Variants in TIAM1 observed in about 807,000 individuals in gnomAD.
TIAM1 encodes rho guanine nucleotide exchange factor TIAM1.
Under a neutral mutation model 163.5 loss-of-function variants are expected in TIAM1, and 65 were observed. The ratio of observed to expected loss-of-function variants is 0.40; its 90% CI spans 0.33 to 0.49. The LOEUF (loss-of-function observed/expected upper bound fraction) is 0.49, where lower values mean the gene tolerates loss of function less well. Among genes scored for constraint, TIAM1 ranks in the 20% least tolerant of loss-of-function variants. The probability of loss-of-function intolerance (pLI) is 0.77; values close to 1 mark genes in which losing one functional copy is unlikely to be tolerated. For missense variants in TIAM1, 1,789 were observed against 2,044.7 expected, an observed-to-expected ratio of 0.87 and a Z score of 2.41; for synonymous variants, 833 against 810.1, an observed-to-expected ratio of 1.03 and a Z score of -0.48.
intron 1 of TIAM1, among the ~76,000 whole-genome samples, chr21:31,479,422 C>T (rs972424868): frequency 4.1e-5 from 6 of 147,842 alleles, no homozygotes; most frequent in African/African-American, 7.5e-5. Flanking sequence ...GGCGGATGGA[C>T]GGACGGACGG....
In TIAM1 at chr21:31,141,356, A is replaced by C; in HGVS notation, c.3624T>G (p.Asp1208Glu). 1 of 1,614,192 alleles carries C rather than the reference A, an allele frequency of 6.2e-7. No homozygotes were observed. Among genetic ancestry groups the C allele is most frequent in the Non-Finnish European group, 8.5e-7 (1 of 1,180,032 alleles). The change falls in exon 21 of 28, where the codon GAT (aspartate) becomes GAG (glutamate). Residue 1208 changes from aspartate to glutamate, a missense_variant. By Grantham distance (45) the Asp-to-Glu change is conservative. Around this residue, in one of 5 missense-constraint regions of TIAM1, gnomAD observed 60 missense variants for 132.6 expected, o/e 0.45. Transcript: ENST00000541036. The surrounding 1 kb of genome is among the most constrained non-coding windows in gnomAD (Gnocchi z 4.7). ...LLLRELFALT[D>E]AESEEHYHLD... ...GGTGGTAGTGCTCCTCGCTCTCCGC[A>C]TCGGTCAGGGCGAACAGCTCCCTGA...
intron 6 of TIAM1, among the ~76,000 whole-genome samples, chr21:31,229,319 C>T (rs968645203): frequency 6.6e-6 from 1 of 152,054 alleles, no homozygotes; most frequent in Non-Finnish European, 1.5e-5. Flanking sequence ...CAAAATGTGC[C>T]TTTTCTGTGT....
At chr21:31,301,674 T>C (rs1478984379) in intron 2 of TIAM1, among the ~76,000 whole-genome samples, 1 of 151,940 alleles carries the variant, frequency 6.6e-6, no homozygotes, top group Admixed American at 6.6e-5. Context: ...ACCCCCTCTT[T>C]ACTAAAAATA....
intron 10 of TIAM1, among the ~76,000 whole-genome samples, chr21:31,210,800 A>AAGAAAGAAAG (rs2086842536): frequency 2.1e-5 from 3 of 142,796 alleles, no homozygotes; most frequent in African/African-American, 8.7e-5. Context: ...GAAAGAAAGA[A>AAGAAAGAAAG]AGAAAGAAAG....
chr21:31,244,871 G>C (rs2071410753), intron 6 of TIAM1, among the ~76,000 whole-genome samples: 1 of 152,128 alleles, frequency 6.6e-6, no homozygotes, highest in Non-Finnish European at 1.5e-5. Context: ...ACACAAAAAA[G>C]TTCTTGCAGA....
intron 1 of TIAM1, among the ~76,000 whole-genome samples, chr21:31,497,205 G>T (rs141322968): frequency 6.6e-6 from 1 of 152,286 alleles, no homozygotes; most frequent in Admixed American, 6.5e-5. Context: ...ACCCTATGTT[G>T]TCTGTACCAT....
intron 1 of TIAM1, among the ~76,000 whole-genome samples, chr21:31,489,440 A>G (rs2147415450): frequency 7.1e-6 from 1 of 141,604 alleles, no homozygotes; most frequent in Non-Finnish European, 1.5e-5. Context: ...AACAAGAAGC[A>G]GGAGGAGAAG....
At chr21:31,426,992 C>G (rs2036943626) in intron 2 of TIAM1, among the ~76,000 whole-genome samples, 1 of 152,136 alleles carries the variant, frequency 6.6e-6, no homozygotes, top group South Asian at 2.1e-4. Context: ...ACAATCATAT[C>G]TCATTGCAGC....
intron 2 of TIAM1, among the ~76,000 whole-genome samples, chr21:31,449,527 C>T (rs138131794): frequency 5.3e-5 from 8 of 151,692 alleles, no homozygotes; most frequent in African/African-American, 7.3e-5. Flanking sequence ...TACAGTCATG[C>T]GCCACCACAC....
At chr21:31,536,248 G>T (rs1448905710) in intron 1 of TIAM1, among the ~76,000 whole-genome samples, 2 of 152,208 alleles carry the variant, frequency 1.3e-5, no homozygotes, top group Non-Finnish European at 2.9e-5. Context: ...GAGGCATAAG[G>T]CAAATTGCAT....
In TIAM1 at chr21:31,266,051, G is replaced by C; in HGVS notation, c.922C>G (p.His308Asp). 6.2e-7 allele frequency: 1 copy of C among 1,614,186 alleles called. No homozygotes were observed. Among genetic ancestry groups the C allele is most frequent in the East Asian group, 2.2e-5 (1 of 44,882 alleles). Reference sequence around the variant, plus strand: ...CTTCTGCCTTGCATGCTGTTGCTATGGCTAATTTGTGGGTTGGTGGCACCT... The same window carrying C: ...CTTCTGCCTTGCATGCTGTTGCTATCGCTAATTTGTGGGTTGGTGGCACCT... ...SEGATNPQIS[H>D]SNSMQGRRAK... The change falls in exon 4 of 28, where the codon CAT becomes GAT. Residue 308 changes from histidine (H) to aspartate (D), a missense_variant. Physicochemically the swap from His to Asp is moderately conservative, Grantham distance 81. Coordinates refer to ENST00000541036, the MANE Select transcript of TIAM1 (RefSeq NM_001353694.2).
intron 15 of TIAM1, among the ~76,000 whole-genome samples, chr21:31,165,451 G>T (rs1468449006): frequency 6.6e-6 from 1 of 152,052 alleles, no homozygotes. Context: ...CATAAGAAGA[G>T]ATAGAAACCA....
Position 31,200,673 on chromosome 21 carries a change from T to G in TIAM1, c.2493+2235A>C, listed in dbSNP as rs141837580. 6.7e-3 allele frequency among the ~76,000 whole-genome samples: 1,020 copies of G among 151,208 alleles called. 7 individuals are homozygous for G. The highest frequency in any genetic ancestry group is 0.024 in the African/African-American group (971 of 40,898). On this transcript the variant is annotated intron_variant, in intron 12 of 27. Transcript: ENST00000541036. Reference sequence around the variant, plus strand: ...AATAAGAACATATATTACCAATAATTCAAAAAATATTTTTGAGAACTATTT... The same window carrying G: ...AATAAGAACATATATTACCAATAATGCAAAAAATATTTTTGAGAACTATTT...
chr21:31,430,239 T>TACACACACAC (rs2043970105), intron 2 of TIAM1, among the ~76,000 whole-genome samples: 1 of 132,744 alleles, frequency 7.5e-6, no homozygotes, highest in African/African-American at 3.2e-5. Context: ...TATATATATA[T>TACACACACAC]ATATATATAC....
rs73899668 is a variant in TIAM1 at position 31,164,726 on chromosome 21, T to G, written c.2991+236A>C. ...TGGGAGCTCCAGCAGTGGCAGAAATTTAAGAAAAGGGATTTTATTTCATTA... is the reference window on the plus strand; with the variant it reads ...TGGGAGCTCCAGCAGTGGCAGAAATGTAAGAAAAGGGATTTTATTTCATTA... On this transcript the variant is annotated intron_variant, in intron 16 of 27. Coordinates refer to ENST00000541036, the MANE Select transcript of TIAM1 (RefSeq NM_001353694.2). Among the ~76,000 whole-genome samples the G allele has an allele frequency of 3.7e-3, 557 of 152,274 alleles. 4 individuals carry two copies. Among genetic ancestry groups the G allele is most frequent in the African/African-American group, 0.013 (543 of 41,574 alleles).
chr21:31,470,282 G>C (rs889935797), intron 1 of TIAM1, among the ~76,000 whole-genome samples: 3 of 151,912 alleles, frequency 2.0e-5, no homozygotes, highest in Non-Finnish European at 2.9e-5. Context: ...TGGGATTACA[G>C]GTGTGAGCTC....
intron 1 of TIAM1, among the ~76,000 whole-genome samples, chr21:31,506,079 G>C (rs1488223798): frequency 1.3e-5 from 2 of 149,170 alleles, no homozygotes; most frequent in African/African-American, 4.9e-5. Flanking sequence ...AGGTCCCACA[G>C]CTTGCTGGAG....
intron 15 of TIAM1, among the ~76,000 whole-genome samples, chr21:31,165,995 G>T (rs149058066): frequency 1.3e-5 from 2 of 152,160 alleles, no homozygotes; most frequent in East Asian, 3.9e-4. Flanking sequence ...GGTCCTCTGC[G>T]TTGAGAAGAG....
Position 31,225,964 on chromosome 21 carries a change from A to G in TIAM1, c.1585-14T>C, listed in dbSNP as rs1416113374. ...CTGGCTAGTGGTCTGTACCAGGAAG[A>G]AGGGGCAGGAAGAAAAAGGCACCTC... On this transcript the variant is annotated splice_polypyrimidine_tract_variant and intron_variant, in intron 6 of 27. Transcript: ENST00000541036. 6.2e-6 allele frequency: 10 copies of G among 1,608,326 alleles called. No homozygotes were observed. The highest frequency in any genetic ancestry group is 8.5e-6 in the Non-Finnish European group (10 of 1,176,586).
Sources: allele counts gnomAD v4.1 joint callset (sites outside exome capture counted in the v4.1 genomes callset), GRCh38; gene constraint gnomAD v4.1.1; regional missense constraint gnomAD v4.1.1; non-coding constraint Gnocchi (gnomAD v3.1); transcripts MANE v1.5; gene names NCBI Gene and HGNC (gene_info 2026-07-23, HGNC 2026-07-21).